The following MALRD1 variants were observed in gnomAD, a reference collection of about 807,000 sequenced individuals.
MALRD1 encodes MAM and LDL-receptor class A domain-containing protein 1.
A neutral mutation model predicts 242.1 loss-of-function variants in MALRD1; 247 were observed. The ratio of observed to expected loss-of-function variants is 1.02; its 90% CI spans 0.92 to 1.13. The LOEUF is 1.13. Ranked by LOEUF, MALRD1 falls within the 50% of genes most tolerant of loss-of-function variation. MALRD1 has a pLI of 0.00. For missense variants in MALRD1, 2,989 were observed against 2,533.1 expected (o/e 1.18, Z -3.86); for synonymous variants, 995 against 866.6 (o/e 1.15, Z -2.60).
intron 26 of MALRD1, among the ~76,000 whole-genome samples, chr10:19,365,659 TAAAAAA>T (rs199989681): frequency 1.6e-5 from 2 of 122,876 alleles, no homozygotes; most frequent in Admixed American, 1.7e-4. Flanking sequence ...TTATAAATTC[TAAAAAA>T]AAAAAAAAAA....
At chr10:19,697,933 C>T (rs1833452548) in intron 38 of MALRD1, among the ~76,000 whole-genome samples, 1 of 151,928 alleles carries the variant, frequency 6.6e-6, no homozygotes, top group Admixed American at 6.6e-5. Context: ...CAGGGTTTGC[C>T]TCTCCATCCA....
At chr10:19,281,203 T>C (rs942234360) in intron 20 of MALRD1, among the ~76,000 whole-genome samples, 1 of 151,934 alleles carries the variant, frequency 6.6e-6, no homozygotes, top group Non-Finnish European at 1.5e-5. Context: ...AGACAGTAAT[T>C]AACTCAAGCT....
chr10:19,598,491 G>A (rs1838212243), intron 34 of MALRD1: 1 of 151,538 alleles, frequency 6.6e-6, no homozygotes, highest in Admixed American at 6.6e-5. Flanking sequence ...AAAAAAAGAA[G>A]GACTTCCAAG....
rs544501985 is a variant in MALRD1, at chr10:19,261,209, T to A, written c.3079+3438T>A. Among the ~76,000 whole-genome samples, 19 of 152,270 alleles carry A rather than the reference T, an allele frequency of 1.2e-4. No homozygotes were observed. In the South Asian group the frequency reaches 3.7e-3, roughly 30 times the overall value. On this transcript the variant is annotated intron_variant, in intron 19 of 39. Coordinates refer to ENST00000454679, the MANE Select transcript of MALRD1 (RefSeq NM_001142308.3). ...GGAGGTAAAACAGCTACTAGAAGCA[T>A]AGGCAGAGATGCGAAATGTCAGTTA...
rs539452624 is a variant in MALRD1, at chr10:19,692,546, A to T, written c.6306A>T (p.Val2102=). 4 of 1,534,844 alleles carry T rather than the reference A, an allele frequency of 2.6e-6. No homozygotes were observed. The highest frequency in any genetic ancestry group is 2.6e-6 in the Non-Finnish European group (3 of 1,145,804). ...AVLCFLANRK[V]PIRKTEGSGN... ...TGTGTTTTCTTGCAAACAGAAAGGT[A>T]CCAATAAGGTAAGTGATGCCTTTAG... Residue 2102 remains valine (V), a synonymous_variant, in exon 38 of 40, where the codon GTA becomes GTT. Transcript: ENST00000454679.
intron 38 of MALRD1, among the ~76,000 whole-genome samples, chr10:19,724,049 C>A (rs1352267441): frequency 5.3e-5 from 8 of 152,056 alleles, no homozygotes; most frequent in Admixed American, 1.3e-4. Context: ...CAGAGTGAGA[C>A]TCTGTCTCTA....
chr10:19,270,834 A>ACACG (rs1295737194), intron 19 of MALRD1, among the ~76,000 whole-genome samples: 1 of 151,466 alleles, frequency 6.6e-6, no homozygotes, highest in Non-Finnish European at 1.5e-5. Context: ...ACACACACAC[A>ACACG]CACACACACG....
At chr10:19,717,944 G>C (rs550690085) in intron 38 of MALRD1, among the ~76,000 whole-genome samples, 2 of 152,038 alleles carry the variant, frequency 1.3e-5, no homozygotes, top group Admixed American at 1.3e-4. Context: ...TTGGACCCAG[G>C]AGGTGGAGGC....
At chr10:19,622,801 T>C (rs1359364076) in intron 36 of MALRD1, among the ~76,000 whole-genome samples, 3 of 151,962 alleles carry the variant, frequency 2.0e-5, no homozygotes, top group Non-Finnish European at 2.9e-5. Flanking sequence ...GGCATCTGAA[T>C]AGAAAATTTG....
chr10:19,168,879 C>G (rs900712505), intron 13 of MALRD1, among the ~76,000 whole-genome samples: 2 of 152,150 alleles, frequency 1.3e-5, no homozygotes, highest in Non-Finnish European at 2.9e-5. Context: ...GAAGCTAAGA[C>G]TTTTCCTCTG....
At chr10:19,138,777 A>C (rs1833443953) in intron 10 of MALRD1, among the ~76,000 whole-genome samples, 1 of 152,126 alleles carries the variant, frequency 6.6e-6, no homozygotes, top group Non-Finnish European at 1.5e-5. Context: ...GTAGTAAATC[A>C]TACTTTATGT....
intron 29 of MALRD1, among the ~76,000 whole-genome samples, chr10:19,470,164 G>C (rs1185161872): frequency 6.6e-6 from 1 of 151,890 alleles, no homozygotes; most frequent in Non-Finnish European, 1.5e-5. Flanking sequence ...GAATCTAAAA[G>C]AAGATTCCAC....
In MALRD1 at chr10:19,087,837, T is replaced by C. The variant is rs1356430726; in HGVS notation, c.341-3T>C. On this transcript the variant is annotated splice_polypyrimidine_tract_variant and splice_region_variant and intron_variant, in intron 2 of 39. Transcript: ENST00000454679. ...TTTGTACCCTGTCTCTTCTTTCTGA[T>C]AGCTCACTTCCTCTCACTGGTTTCC... 1.6e-6 allele frequency: 2 copies of C among 1,227,660 alleles called. No homozygotes were observed. The highest frequency in any genetic ancestry group is 1.0e-6 in the Non-Finnish European group (1 of 982,654). 76.0% of individuals were successfully genotyped at this position (1,227,660 alleles called of 1,614,324 possible). A position where few individuals can be genotyped will look rare whatever the true frequency, so the allele number is the denominator to read the frequency against.
chr10:19,340,882 C>A (rs926129917), intron 24 of MALRD1, among the ~76,000 whole-genome samples: 2 of 152,082 alleles, frequency 1.3e-5, no homozygotes, highest in African/African-American at 4.8e-5. Context: ...AGCATTGAGA[C>A]CCCATCTGAG....
chr10:19,326,900 CT>C lies in MALRD1; in HGVS notation c.3577-662del, dbSNP rs1277314315. ...TTTTAAAATCAGAAGTTGTTCCACT[CT>C]CCTTTGAGCCTTAGTTACTCTCTTC... is the stretch of plus-strand genomic sequence containing the variant. On this transcript the variant is annotated intron_variant, in intron 22 of 39. Transcript: ENST00000454679. Among the ~76,000 whole-genome samples the C allele has an allele frequency of 3.9e-5, 6 of 152,186 alleles. No individual in the cohort carries two copies. The East Asian group carries it at 1.2e-3, about 29-fold the overall frequency.
intron 2 of MALRD1, among the ~76,000 whole-genome samples, chr10:19,068,194 C>T (rs371290217): frequency 1.4e-4 from 21 of 152,036 alleles, no homozygotes; most frequent in African/African-American, 3.4e-4. Context: ...TTTTGTTTGT[C>T]GGTGGCTCTT....
intron 2 of MALRD1, among the ~76,000 whole-genome samples, chr10:19,067,648 G>A (rs1835021276): frequency 6.6e-6 from 1 of 152,072 alleles, no homozygotes; most frequent in Non-Finnish European, 1.5e-5. Flanking sequence ...ATGCAGATTA[G>A]ACTCCCTGGT....
chr10:19,105,980 A>AT (rs1836448214), intron 5 of MALRD1, among the ~76,000 whole-genome samples: 1 of 151,826 alleles, frequency 6.6e-6, no homozygotes, highest in Non-Finnish European at 1.5e-5. Flanking sequence ...CTCTTCACTC[A>AT]TTTGTTTCCT....
Position 19,331,443 on chromosome 10 carries a change from C to T in MALRD1, c.3762C>T (p.Cys1254=). 5 of 1,550,520 alleles carry T rather than the reference C, an allele frequency of 3.2e-6. No individual in the cohort carries two copies. The highest frequency in any genetic ancestry group is 2.6e-6 in the Non-Finnish European group (3 of 1,146,860). The change falls in exon 24 of 40, where the codon TGC becomes TGT. Residue 1254 remains cysteine, a synonymous_variant. Coordinates refer to ENST00000454679, the MANE Select transcript of MALRD1 (RefSeq NM_001142308.3). ...VAVDDISFQD[C]SPLLSPERKC... is the part of the protein sequence containing the mutation. Reference sequence around the variant, plus strand: ...TGGATGATATTTCCTTCCAAGATTGCTCCCCTTTGCTTAGCCCAGAGAGAA... The same window carrying T: ...TGGATGATATTTCCTTCCAAGATTGTTCCCCTTTGCTTAGCCCAGAGAGAA...
Sources: gnomAD v4.1 joint callset for allele counts (sites outside exome capture counted in the v4.1 genomes callset) on GRCh38, gnomAD v4.1.1 for gene constraint, MANE v1.5 for transcripts, NCBI Gene and HGNC (gene_info 2026-07-23, HGNC 2026-07-21) for gene names.